The following TMOD3 variants were observed in gnomAD, a reference collection of about 807,000 sequenced individuals.
TMOD3 encodes the protein tropomodulin-3.
A neutral mutation model predicts 39.2 loss-of-function variants in TMOD3; 20 were observed. That is an observed-to-expected ratio of 0.51 (90% CI 0.36 to 0.74). The LOEUF is 0.74. TMOD3 is among the 30% of genes least tolerant of loss of function. The pLI, the probability that TMOD3 is intolerant of heterozygous loss-of-function variation, is 0.00. For synonymous variants in TMOD3, 143 were observed against 145.8 expected (o/e 0.98, Z 0.14); for missense variants, 381 against 412.8 (o/e 0.92, Z 0.67).
chr15:51,906,247 C>T (rs2056680222), intron 9 of TMOD3, among the ~76,000 whole-genome samples: 1 of 152,174 alleles, frequency 6.6e-6, no homozygotes, highest in African/African-American at 2.4e-5. Context: ...ACCATGTTTT[C>T]TGACATATTG....
chr15:51,889,284 A>G (rs996744459), intron 5 of TMOD3, 139 bp downstream of exon 5: 1 of 599,374 alleles, frequency 1.7e-6, no homozygotes, highest in Non-Finnish European at 2.9e-6. Context: ...GGTGGTATTA[A>G]CCAAGAAAGC....
At chr15:51,902,409 T>G (rs2056655533) in intron 9 of TMOD3, among the ~76,000 whole-genome samples, 1 of 152,162 alleles carries the variant, frequency 6.6e-6, no homozygotes, top group Non-Finnish European at 1.5e-5. Context: ...CAATTTTATA[T>G]GATAGAATGT....
At chr15:51,869,725 A>C (rs2056465477) in intron 3 of TMOD3, among the ~76,000 whole-genome samples, 1 of 152,186 alleles carries the variant, frequency 6.6e-6, no homozygotes, top group Non-Finnish European at 1.5e-5. Context: ...TGCATTCTTT[A>C]AAGTGGAATG....
rs1369644023 is a variant in TMOD3 at position 51,909,496 on chromosome 15, T to G, written c.*686T>G. ...TACTTTATTTAAAAGTATAGTGAGG[T>G]CGAAGTTCATTCCAGTGTTTCATTT... On this transcript the variant is annotated 3_prime_UTR_variant, in exon 10 of 10. Transcript: ENST00000308580. 7 of 152,582 alleles carry G rather than the reference T, an allele frequency of 4.6e-5. No homozygotes were observed. The highest frequency in any genetic ancestry group is 4.6e-4 in the Admixed American group (7 of 15,284). The allele number at this position is 152,582 out of a possible 1,614,324, so 9.5% of individuals were successfully genotyped here.
intron 6 of TMOD3, 81 bp from the exon 7 acceptor site, chr15:51,896,334 CAAAA>C: frequency 1.0e-6 from 1 of 955,626 alleles, no homozygotes; most frequent in South Asian, 1.7e-5. Flanking sequence ...CATTTTAAAG[CAAAA>C]AAAACCATAT....
intron 9 of TMOD3, among the ~76,000 whole-genome samples, chr15:51,906,509 G>C (rs892686249): frequency 6.6e-6 from 1 of 152,142 alleles, no homozygotes; most frequent in African/African-American, 2.4e-5. Context: ...CAGCAAAGAG[G>C]TTCTATGGTA....
intron 1 of TMOD3, among the ~76,000 whole-genome samples, chr15:51,842,816 C>T (rs1258790825): frequency 1.3e-5 from 2 of 152,146 alleles, no homozygotes; most frequent in Non-Finnish European, 2.9e-5. Flanking sequence ...AATTTTAGGC[C>T]TTGTGCCTCT....
intron 7 of TMOD3, among the ~76,000 whole-genome samples, chr15:51,897,457 T>C (rs1385959975): frequency 3.3e-5 from 5 of 150,750 alleles, no homozygotes; most frequent in African/African-American, 1.2e-4. Flanking sequence ...CAATCTTTCA[T>C]TGCTCAGGCA....
chr15:51,871,661 A>G lies in TMOD3; in HGVS notation c.283+2288A>G, dbSNP rs377249023. On this transcript the variant is annotated intron_variant, in intron 3 of 9. Coordinates refer to ENST00000308580, the MANE Select transcript of TMOD3 (RefSeq NM_014547.5). The stretch of plus-strand genomic sequence containing the variant: ...TCTTGGAGGATTAGAGGAAATAGGA[A>G]AGAAAGCAGAGAAGAATTACGGAAA... Among the ~76,000 whole-genome samples, 16 of 152,344 alleles carry G rather than the reference A, an allele frequency of 1.1e-4. No homozygotes were observed. The East Asian group carries it at 2.3e-3, about 22-fold the overall frequency.
At chr15:51,861,550 G>T (rs1481702166) in intron 1 of TMOD3, among the ~76,000 whole-genome samples, 4 of 130,354 alleles carry the variant, frequency 3.1e-5, no homozygotes, top group Non-Finnish European at 5.3e-5. Flanking sequence ...GAGGGAAGGG[G>T]TAGTAAAGGA....
At chr15:51,849,852 T>A (rs2056352329) in intron 1 of TMOD3, among the ~76,000 whole-genome samples, 1 of 151,900 alleles carries the variant, frequency 6.6e-6, no homozygotes. Context: ...GAAAATTGCT[T>A]GAACTCAGGA....
intron 6 of TMOD3, among the ~76,000 whole-genome samples, chr15:51,894,370 G>A (rs140004116): frequency 9.3e-4 from 141 of 152,228 alleles, no homozygotes; most frequent in African/African-American, 3.3e-3. Flanking sequence ...GGGCAACATA[G>A]TGAGACCTGC....
intron 1 of TMOD3, chr15:51,834,978 T>A (rs141488226): frequency 1.3e-5 from 2 of 152,362 alleles, no homozygotes; most frequent in Non-Finnish European, 2.9e-5. Flanking sequence ...ATTAAATGTT[T>A]ATGCTCCTCT....
intron 1 of TMOD3, chr15:51,860,167 A>G (rs1022116108): frequency 6.4e-5 from 30 of 470,860 alleles, no homozygotes; most frequent in Admixed American, 1.1e-4. Context: ...GCATAATCCC[A>G]AGTGAGAAGA....
At chr15:51,868,833 G>A (rs958319985) in intron 2 of TMOD3, among the ~76,000 whole-genome samples, 1 of 152,272 alleles carries the variant, frequency 6.6e-6, no homozygotes, top group Non-Finnish European at 1.5e-5. Context: ...TTAGCTGGGC[G>A]TGGTGGCAGG....
intron 9 of TMOD3, among the ~76,000 whole-genome samples, chr15:51,907,473 G>T (rs549018003): frequency 1.3e-5 from 2 of 152,300 alleles, no homozygotes; most frequent in Admixed American, 6.5e-5. Flanking sequence ...TCATCTGAAC[G>T]TATGGTCTTA....
At chr15:51,869,134 T>C in intron 2 of TMOD3, 83 bp from the exon 3 acceptor site, 1 of 1,473,178 alleles carries the variant, frequency 6.8e-7, no homozygotes, top group Non-Finnish European at 9.2e-7. Context: ...AGTCTGTAAT[T>C]CTTTTTTATA....
rs559014095 is a variant in TMOD3, at chr15:51,851,348, G to A, written c.-74-11463G>A. 5.9e-5 allele frequency among the ~76,000 whole-genome samples: 9 copies of A among 152,276 alleles called. No individual in the cohort carries two copies. The South Asian group carries it at 8.3e-4, about 14-fold the overall frequency. On this transcript the variant is annotated intron_variant, in intron 1 of 9. Transcript: ENST00000308580. ...CAATTGTGTAAAAATTTTTTAAGGC[G>A]TGACAAGTTATTTGCTTGTTTCACT...
chr15:51,895,119 G>C (rs1268630774), intron 6 of TMOD3, among the ~76,000 whole-genome samples: 1 of 152,096 alleles, frequency 6.6e-6, no homozygotes, highest in African/African-American at 2.4e-5. Context: ...CTTGAGCCTA[G>C]GGAAGGAAGC....
Sources: allele counts gnomAD v4.1 joint callset (sites outside exome capture counted in the v4.1 genomes callset), GRCh38; gene constraint gnomAD v4.1.1; transcripts MANE v1.5; gene names NCBI Gene and HGNC (gene_info 2026-07-23, HGNC 2026-07-21).